The following TTLL13 variants were observed in gnomAD, a reference collection of about 807,000 sequenced individuals.
TTLL13 encodes the protein tubulin tyrosine ligase like 13.
chr15:90,264,001 T>A, the TTLL13 span: 6 of 1,535,978 alleles, frequency 3.9e-6, no homozygotes, highest in Non-Finnish European at 4.4e-6. Flanking sequence ...CTGTTCATTG[T>A]CAATGAAGAA....
chr15:90,264,093 A>G, the TTLL13 span: 11 of 1,346,398 alleles, frequency 8.2e-6, no homozygotes, highest in East Asian at 2.0e-4. Flanking sequence ...TCATTTTGAC[A>G]TATGTAAATC....
the TTLL13 span, among the ~76,000 whole-genome samples, chr15:90,256,454 C>T: frequency 3.3e-5 from 5 of 152,184 alleles, no homozygotes; most frequent in Admixed American, 6.5e-5. Context: ...TCAGAACCAG[C>T]CTGCCTGGGG....
chr15:90,254,515 G>A, the TTLL13 span, among the ~76,000 whole-genome samples: 14 of 111,150 alleles, frequency 1.3e-4, no homozygotes, highest in Admixed American at 6.4e-4. Context: ...AAAAAAGGAC[G>A]CTCCAAAGGA....
At chr15:90,263,138 A>C in the TTLL13 span, 2 of 1,525,190 alleles carry the variant, frequency 1.3e-6, no homozygotes, top group South Asian at 2.4e-5. Context: ...AAACTTCATG[A>C]GAGTCGGGTG....
the TTLL13 span, among the ~76,000 whole-genome samples, chr15:90,256,608 TC>T: frequency 1.8e-3 from 101 of 55,392 alleles, no homozygotes; most frequent in African/African-American, 7.2e-3. Flanking sequence ...TTTCTTTCTT[TC>T]CTTCCTTCCT....
chr15:90,261,325 C>T, the TTLL13 span, among the ~76,000 whole-genome samples: 5 of 151,078 alleles, frequency 3.3e-5, no homozygotes, highest in South Asian at 2.1e-4. Flanking sequence ...GTGATCCACC[C>T]GCCTTGGCCT....
the TTLL13 span, among the ~76,000 whole-genome samples, chr15:90,256,552 T>TCTTTCTTTCTTTCTTTCTTTC: frequency 4.2e-4 from 11 of 26,506 alleles, no homozygotes; most frequent in African/African-American, 2.0e-3. Context: ...CCTTTTTCTT[T>TCTTTCTTTCTTTCTTTCTTTC]CTTTCTTTCT....
the TTLL13 span, chr15:90,262,069 C>G: frequency 1.3e-6 from 2 of 1,535,998 alleles, no homozygotes; most frequent in South Asian, 2.4e-5. Flanking sequence ...AGGATTCTCA[C>G]CTGGGAAAAT....
chr15:90,259,776 A>AAT, the TTLL13 span, among the ~76,000 whole-genome samples: 4 of 152,252 alleles, frequency 2.6e-5, no homozygotes, highest in African/African-American at 4.8e-5. Flanking sequence ...GTCATTCAAT[A>AAT]ATAGAGAATC....
At chr15:90,250,769 G>T in the TTLL13 span, 17 of 1,614,126 alleles carry the variant, frequency 1.1e-5, no homozygotes, top group Non-Finnish European at 1.4e-5. Context: ...TGACTATAAG[G>T]CATTAAAAAA....
the TTLL13 span, chr15:90,258,149 T>TC: frequency 5.0e-6 from 8 of 1,614,108 alleles, no homozygotes; most frequent in Non-Finnish European, 5.9e-6. Context: ...CCCATTCTGT[T>TC]CTACGCCACA....
chr15:90,262,702 C>A, the TTLL13 span: 1 of 1,448,472 alleles, frequency 6.9e-7, no homozygotes. Context: ...TATCTTTCCA[C>A]AGGAAAATGG....
the TTLL13 span, chr15:90,258,787 A>G: frequency 6.2e-7 from 1 of 1,614,232 alleles, no homozygotes; most frequent in Non-Finnish European, 8.5e-7. Flanking sequence ...GCCTTGATCA[A>G]GAAGTAAAGG....
the TTLL13 span, among the ~76,000 whole-genome samples, chr15:90,261,328 C>T: frequency 1.5e-3 from 221 of 151,194 alleles, no homozygotes; most frequent in African/African-American, 4.8e-3. Flanking sequence ...ATCCACCCGC[C>T]TTGGCCTCCC....
the TTLL13 span, chr15:90,263,269 G>A: frequency 1.1e-6 from 1 of 879,530 alleles, no homozygotes; most frequent in South Asian, 1.8e-5. Flanking sequence ...TGGGAAAGCA[G>A]AGTGCGCTAG....
chr15:90,256,054 T>C, the TTLL13 span: 2 of 1,563,690 alleles, frequency 1.3e-6, no homozygotes, highest in East Asian at 2.2e-5. Flanking sequence ...AGGAAGAGCA[T>C]GGACTAGATA....
At chr15:90,262,121 C>A in the TTLL13 span, 1 of 1,535,932 alleles carries the variant, frequency 6.5e-7, no homozygotes. Flanking sequence ...GAAGTATGCC[C>A]GCTTCTTCAA....
the TTLL13 span, among the ~76,000 whole-genome samples, chr15:90,261,564 G>C: frequency 6.6e-6 from 1 of 151,924 alleles, no homozygotes; most frequent in Non-Finnish European, 1.5e-5. Flanking sequence ...AGGCCGAGGT[G>C]GGTGGATCAC....
At chr15:90,259,015 G>C in the TTLL13 span, 2 of 1,600,988 alleles carry the variant, frequency 1.2e-6, no homozygotes, top group Non-Finnish European at 1.7e-6. Context: ...GCCTGGGGCT[G>C]ATTTGCTATC....
Sources: gnomAD v4.1 joint callset for allele counts (sites outside exome capture counted in the v4.1 genomes callset) on GRCh38, gnomAD v4.1.1 for gene constraint, MANE v1.5 for transcripts, NCBI Gene and HGNC (gene_info 2026-07-23, HGNC 2026-07-21) for gene names.